The following PEMT variants were observed in gnomAD, a reference collection of about 807,000 sequenced individuals.
PEMT encodes the protein phospholipid methyltransferase.
Under a neutral mutation model 27.4 loss-of-function variants are expected in PEMT, and 23 were observed. The observed-to-expected ratio is 0.84, with a 90% CI of 0.60 to 1.19. The LOEUF is 1.19. PEMT is among the 50% of genes most tolerant of loss of function. The probability of loss-of-function intolerance (pLI) is 0.00; values close to 1 mark genes in which losing one functional copy is unlikely to be tolerated. For synonymous variants in PEMT, 137 were observed against 139.1 expected, an observed-to-expected ratio of 0.98 and a Z score of 0.11; for missense variants, 307 against 310.1, an observed-to-expected ratio of 0.99 and a Z score of 0.07.
chr17:17,518,271 C>T, intron 3 of PEMT: 1 of 544,494 alleles, frequency 1.8e-6, no homozygotes, highest in Non-Finnish European at 2.3e-6. Context: ...CGAGCCCTGC[C>T]TGGCCATCCA....
chr17:17,526,391 C>T (rs986628786), intron 2 of PEMT, among the ~76,000 whole-genome samples: 1 of 152,202 alleles, frequency 6.6e-6, no homozygotes, highest in South Asian at 2.1e-4. Flanking sequence ...CTGCCCGCTA[C>T]CTAAACTGAG....
chr17:17,586,216 A>AAGAAAAAGAAAG (rs1390670770), intron 1 of PEMT, among the ~76,000 whole-genome samples: 1 of 79,310 alleles, frequency 1.3e-5, no homozygotes, highest in Non-Finnish European at 2.5e-5. Flanking sequence ...GAAAGAAAGA[A>AAGAAAAAGAAAG]AAAGAAAGAA....
chr17:17,587,933 T>TC (rs908548418), intron 1 of PEMT, among the ~76,000 whole-genome samples: 1 of 150,220 alleles, frequency 6.7e-6, no homozygotes, highest in Non-Finnish European at 1.5e-5. Context: ...AGAAAGAAGA[T>TC]CCCCCCAAAA....
intron 2 of PEMT, among the ~76,000 whole-genome samples, chr17:17,545,033 A>C (rs1909152801): frequency 6.6e-6 from 1 of 152,168 alleles, no homozygotes; most frequent in African/African-American, 2.4e-5. Flanking sequence ...TCCTGTTCCA[A>C]AGGGCCACTC....
intron 5 of PEMT, 102 bp downstream of exon 5, chr17:17,509,332 T>C: frequency 1.4e-6 from 1 of 737,788 alleles, no homozygotes; most frequent in Non-Finnish European, 2.3e-6. Flanking sequence ...ACGTTCTTCC[T>C]TTCTCTCTCT....
intron 2 of PEMT, among the ~76,000 whole-genome samples, chr17:17,571,823 C>T (rs1022718751): frequency 6.6e-6 from 1 of 152,154 alleles, no homozygotes; most frequent in Non-Finnish European, 1.5e-5. Context: ...ACCCACCCAC[C>T]TCAGCCTTCC....
chr17:17,583,521 C>T (rs1224401274), intron 1 of PEMT, among the ~76,000 whole-genome samples: 1 of 152,234 alleles, frequency 6.6e-6, no homozygotes, highest in African/African-American at 2.4e-5. Flanking sequence ...CCTTTGGCAG[C>T]CACTGTCTGA....
At chr17:17,524,060 C>T (rs137860712) in intron 2 of PEMT, among the ~76,000 whole-genome samples, 1 of 152,280 alleles carries the variant, frequency 6.6e-6, no homozygotes, top group East Asian at 1.9e-4. Context: ...GTAACGTTCT[C>T]AAGGTTCGTC....
chr17:17,505,779 G>A lies in PEMT; in HGVS notation c.*12C>T. On this transcript the variant is annotated 3_prime_UTR_variant, in exon 7 of 7. Transcript: ENST00000255389. ...GGCTGGCCAGGCCTTCAGCAAAGCT[G>A]TTGCAGCTCAATCAGCTCCTCTTGT... 1 of 1,607,360 alleles carries A rather than the reference G, an allele frequency of 6.2e-7. No homozygotes were observed. The highest frequency in any genetic ancestry group is 8.5e-7 in the Non-Finnish European group (1 of 1,176,458).
At chr17:17,574,049 G>A (rs1911398087) in intron 2 of PEMT, among the ~76,000 whole-genome samples, 1 of 151,888 alleles carries the variant, frequency 6.6e-6, no homozygotes, top group African/African-American at 2.4e-5. Flanking sequence ...TGGCATCACA[G>A]AGCTGGGCCT....
chr17:17,509,274 C>T (rs560333883), intron 5 of PEMT, among the ~76,000 whole-genome samples, 160 bp downstream of exon 5: 1 of 152,372 alleles, frequency 6.6e-6, no homozygotes, highest in South Asian at 2.1e-4. Context: ...ATAGATAAGA[C>T]GCTTCTGAGA....
intron 2 of PEMT, among the ~76,000 whole-genome samples, chr17:17,536,047 CCTT>C (rs1298529327): frequency 1.3e-5 from 2 of 152,212 alleles, no homozygotes; most frequent in African/African-American, 4.8e-5. Context: ...CCTACAATCT[CCTT>C]AACTGTGGCA....
intron 3 of PEMT, among the ~76,000 whole-genome samples, chr17:17,520,557 C>A (rs1037012576): frequency 1.3e-5 from 2 of 152,234 alleles, no homozygotes; most frequent in African/African-American, 4.8e-5. Context: ...CTCCCTGGGG[C>A]CGGAGAGCCT....
chr17:17,543,627 ATCTCGGC>A (rs1340123603), intron 2 of PEMT, among the ~76,000 whole-genome samples: 3 of 152,094 alleles, frequency 2.0e-5, no homozygotes, highest in Non-Finnish European at 2.9e-5. Flanking sequence ...CAGGGGCACG[ATCTCGGC>A]TCACTGCAAA....
chr17:17,576,751 C>T (rs562574579), intron 2 of PEMT, among the ~76,000 whole-genome samples, 169 bp downstream of exon 2: 16 of 152,300 alleles, frequency 1.1e-4, no homozygotes, highest in South Asian at 6.2e-4. Context: ...CAAGGCAAGA[C>T]GGCAGGAAGC....
chr17:17,585,142 A>G (rs1282736604), intron 1 of PEMT, among the ~76,000 whole-genome samples: 1 of 152,172 alleles, frequency 6.6e-6, no homozygotes, highest in Non-Finnish European at 1.5e-5. Context: ...GTTCAAGACT[A>G]GCCTAGCCGA....
At chr17:17,509,232 C>T (rs1004056486) in intron 5 of PEMT, among the ~76,000 whole-genome samples, 4 of 152,244 alleles carry the variant, frequency 2.6e-5, no homozygotes, top group African/African-American at 9.6e-5. Context: ...GAGAAGCTGA[C>T]CACCCTGTTC....
chr17:17,509,932 G>T (rs971334116), intron 4 of PEMT, among the ~76,000 whole-genome samples: 1 of 152,056 alleles, frequency 6.6e-6, no homozygotes, highest in Non-Finnish European at 1.5e-5. Flanking sequence ...TGCTCATGGC[G>T]CCTCTTTATG....
In PEMT at chr17:17,505,632, C is replaced by T. The variant is rs537718150; in HGVS notation, c.*159G>A. On this transcript the variant is annotated 3_prime_UTR_variant, in exon 7 of 7. Coordinates refer to ENST00000255389, the MANE Select transcript of PEMT (RefSeq NM_148172.3). ...GGAGCTCAATGGCCATATGTCGGCA[C>T]GTCCAGGGTCCCCAAGGCAGCAGGT... is the stretch of plus-strand genomic sequence containing the variant. 5.8e-5 allele frequency: 41 copies of T among 711,126 alleles called. No homozygotes were observed. The highest frequency in any genetic ancestry group is 1.3e-4 in the African/African-American group (7 of 54,040). 44.1% of individuals were successfully genotyped at this position (711,126 alleles called of 1,614,324 possible). A position where few individuals can be genotyped will look rare whatever the true frequency, so the allele number is the denominator to read the frequency against.
Sources: gnomAD v4.1 joint callset for allele counts (sites outside exome capture counted in the v4.1 genomes callset) on GRCh38, gnomAD v4.1.1 for gene constraint, MANE v1.5 for transcripts, NCBI Gene and HGNC (gene_info 2026-07-23, HGNC 2026-07-21) for gene names.